The following JHY variants were observed in gnomAD, a reference collection of about 807,000 sequenced individuals.
JHY encodes the protein jhy protein homolog.
JHY carries 69 observed loss-of-function variants against 78.0 expected under a neutral mutation model. That is an observed-to-expected ratio of 0.88 (90% CI 0.73 to 1.08). The LOEUF is 1.08. JHY is among the 50% of genes least tolerant of loss of function. JHY has a pLI of 0.00. For missense variants in JHY, 944 were observed against 927.8 expected (o/e 1.02, Z -0.23); for synonymous variants, 368 against 342.6 (o/e 1.07, Z -0.82).
intron 6 of JHY, among the ~76,000 whole-genome samples, chr11:122,950,804 A>T (rs1425032056): frequency 1.3e-5 from 2 of 152,200 alleles, no homozygotes; most frequent in Non-Finnish European, 2.9e-5. Flanking sequence ...TGTCACCAGA[A>T]ATCTAAGCGC....
chr11:122,923,972 C>T (rs1863436919), intron 3 of JHY, among the ~76,000 whole-genome samples: 1 of 146,332 alleles, frequency 6.8e-6, no homozygotes, highest in Non-Finnish European at 1.5e-5. Context: ...CTCCTGCCCT[C>T]GTGATCCACC....
chr11:122,907,680 A>G (rs1388841217), intron 3 of JHY, among the ~76,000 whole-genome samples: 3 of 152,012 alleles, frequency 2.0e-5, no homozygotes, highest in Non-Finnish European at 4.4e-5. Flanking sequence ...ACCCGTCTCT[A>G]TTAAAAATAC....
chr11:122,913,369 G>T (rs1186019061), intron 3 of JHY, among the ~76,000 whole-genome samples: 1 of 152,190 alleles, frequency 6.6e-6, no homozygotes, highest in African/African-American at 2.4e-5. Flanking sequence ...TAGTTTTGAA[G>T]TACAATTTCA....
rs1314967190 is a variant in JHY, at chr11:122,904,054, G to T, written c.474G>T (p.Leu158=). ...PESTDSSLEN[L]PLAPLYPSQE... is the part of the protein sequence containing the mutation. Reference sequence around the variant, plus strand: ...CCACGGACAGCTCTTTAGAAAATCTGCCTTTGGCTCCCCTCTACCCTTCCC... The same window carrying T: ...CCACGGACAGCTCTTTAGAAAATCTTCCTTTGGCTCCCCTCTACCCTTCCC... The change falls in exon 3 of 9, where the codon CTG becomes CTT. Residue 158 remains leucine, a synonymous_variant. Transcript: ENST00000227349. The T allele has an allele frequency of 4.3e-6, 7 of 1,614,024 alleles. No homozygotes were observed. Among genetic ancestry groups the T allele is most frequent in the East Asian group, 2.2e-5 (1 of 44,896 alleles).
intron 4 of JHY, among the ~76,000 whole-genome samples, chr11:122,932,251 G>T (rs1348003806): frequency 2.6e-5 from 4 of 152,162 alleles, no homozygotes; most frequent in Non-Finnish European, 5.9e-5. Context: ...ATCGTATCAA[G>T]CCCATAAATG....
chr11:122,922,482 C>T (rs1863388059), intron 3 of JHY, among the ~76,000 whole-genome samples: 1 of 152,154 alleles, frequency 6.6e-6, no homozygotes, highest in South Asian at 2.1e-4. Flanking sequence ...TATCTTACCT[C>T]TTTCTTATTG....
At chr11:122,953,067 G>T (rs7103952) in intron 6 of JHY, among the ~76,000 whole-genome samples, 2,228 of 152,202 alleles carry the variant, frequency 0.015, 39 homozygotes, top group African/African-American at 0.05. Flanking sequence ...GTTAATTGAT[G>T]GCCTTAAACA....
chr11:122,902,987 G>C (rs1248837810), intron 2 of JHY, among the ~76,000 whole-genome samples: 1 of 152,204 alleles, frequency 6.6e-6, no homozygotes, highest in Non-Finnish European at 1.5e-5. Flanking sequence ...ATATAATTGT[G>C]TGTGCTATAC....
At chr11:122,918,889 G>C (rs1171258710) in intron 3 of JHY, among the ~76,000 whole-genome samples, 1 of 146,490 alleles carries the variant, frequency 6.8e-6, no homozygotes, top group African/African-American at 2.8e-5. Flanking sequence ...TCCAGAAGGG[G>C]GGAAGAAAAA....
chr11:122,892,556 T>A (rs953153652), intron 2 of JHY, among the ~76,000 whole-genome samples: 1 of 152,092 alleles, frequency 6.6e-6, no homozygotes, highest in Non-Finnish European at 1.5e-5. Context: ...TCTTCTGACC[T>A]CGTGATCTGC....
rs753335141 is a variant in JHY, at chr11:122,934,502, A to T, written c.1061A>T (p.Asp354Val). 1.9e-6 allele frequency: 3 copies of T among 1,614,030 alleles called. No homozygotes were observed. In the Admixed American group the frequency reaches 5.0e-5, roughly 27 times the overall value. ...GGGCAACCTTCTGACATGGTGAATG[A>T]CCATCAACCTTCCAGAAGACCAGCC... ...PRGQPSDMVN[D>V]HQPSRRPAKL... is the part of the protein sequence containing the mutation. The change falls in exon 5 of 9, where the codon GAC (aspartate) becomes GTC (valine). Residue 354 changes from aspartate to valine, a missense_variant. By Grantham distance (152) the Asp-to-Val change is radical. Transcript: ENST00000227349.
intron 3 of JHY, among the ~76,000 whole-genome samples, chr11:122,923,430 G>C (rs150478062): frequency 5.0e-4 from 76 of 152,302 alleles, no homozygotes; most frequent in African/African-American, 1.7e-3. Context: ...ACATCTACCA[G>C]GGATGGTGTG....
chr11:122,954,653 C>T (rs546987131), intron 6 of JHY, among the ~76,000 whole-genome samples: 2 of 152,282 alleles, frequency 1.3e-5, no homozygotes, highest in South Asian at 4.1e-4. Context: ...CGCGGTGACT[C>T]AGACCTGTAA....
chr11:122,946,414 A>G, intron 5 of JHY, 84 bp from the exon 6 acceptor site: 9 of 1,378,122 alleles, frequency 6.5e-6, no homozygotes, highest in Non-Finnish European at 8.8e-6. Flanking sequence ...ACATCAAATT[A>G]ATGGTTCATA....
intron 2 of JHY, among the ~76,000 whole-genome samples, chr11:122,890,662 C>A (rs770692465): frequency 1.8e-4 from 27 of 152,122 alleles, no homozygotes; most frequent in Non-Finnish European, 3.4e-4. Context: ...TACCAAAGGA[C>A]AGTTTAAATA....
At chr11:122,957,940 T>C (rs1031397594) in intron 8 of JHY, among the ~76,000 whole-genome samples, 1 of 152,188 alleles carries the variant, frequency 6.6e-6, no homozygotes, top group Non-Finnish European at 1.5e-5. Context: ...AATAATGTGA[T>C]TTCTTAAATG....
At chr11:122,918,957 G>C (rs989838374) in intron 3 of JHY, among the ~76,000 whole-genome samples, 1 of 152,102 alleles carries the variant, frequency 6.6e-6, no homozygotes, top group Non-Finnish European at 1.5e-5. Context: ...AAGGCCATGC[G>C]CTCAGATGCA....
chr11:122,899,029 A>T (rs920612687), intron 2 of JHY, among the ~76,000 whole-genome samples: 2 of 152,150 alleles, frequency 1.3e-5, no homozygotes, highest in African/African-American at 4.8e-5. Flanking sequence ...CACTTCCTCC[A>T]GAAGGCTTTC....
At chr11:122,958,386 A>G (rs1320712560) in intron 8 of JHY, among the ~76,000 whole-genome samples, 6 of 151,932 alleles carry the variant, frequency 3.9e-5, no homozygotes, top group South Asian at 2.1e-4. Flanking sequence ...GAAGACCTCA[A>G]TCCACTTGAT....
Sources: allele counts gnomAD v4.1 joint callset (sites outside exome capture counted in the v4.1 genomes callset), GRCh38; gene constraint gnomAD v4.1.1; transcripts MANE v1.5; gene names NCBI Gene and HGNC (gene_info 2026-07-23, HGNC 2026-07-21).